The following ST7L variants were observed in gnomAD, a reference collection of about 807,000 sequenced individuals.
ST7L encodes the protein suppression of tumorigenicity 7 like.
ST7L carries 57 observed loss-of-function variants against 72.5 expected under a neutral mutation model. That is an observed-to-expected ratio of 0.79 (90% confidence interval 0.64 to 0.98). ST7L has a LOEUF of 0.98. Among genes scored for constraint, ST7L ranks in the 50% least tolerant of loss-of-function variants. ST7L has a pLI of 0.00. For synonymous variants in ST7L, 221 were observed against 240.9 expected (o/e 0.92, Z 0.77); for missense variants, 576 against 672.2 (o/e 0.86, Z 1.58).
intron 13 of ST7L, among the ~76,000 whole-genome samples, chr1:112,543,925 A>G (rs1237097749): frequency 2.0e-5 from 3 of 151,506 alleles, no homozygotes; most frequent in Non-Finnish European, 4.4e-5. Flanking sequence ...TAGGATTCTG[A>G]CCATAAATAA....
chr1:112,526,904 C>T (rs1023898512), intron 14 of ST7L: 2 of 152,192 alleles, frequency 1.3e-5, no homozygotes, highest in Non-Finnish European at 2.9e-5. Context: ...TGGCAAAGGT[C>T]CTGGGATCTC....
Position 112,577,055 on chromosome 1 carries a change from T to G in ST7L, c.1176A>C (p.Leu392Phe). The G allele has an allele frequency of 6.2e-7, 1 of 1,608,414 alleles. No individual in the cohort carries two copies. The highest frequency in any genetic ancestry group is 8.5e-7 in the Non-Finnish European group (1 of 1,176,606). The change falls in exon 11 of 15, where the codon TTA becomes TTC. Residue 392 changes from leucine (L) to phenylalanine (F), a missense_variant. Transcript: ENST00000358039. ...FSPETASRRG[L>F]STAEINAVEA... ...CCACGGCATTAATTTCTGCTGTGCT[T>G]AATCCTCTTCTGGAGGCTGTTTCTG...
chr1:112,561,276 T>A (rs1660081021), intron 11 of ST7L, among the ~76,000 whole-genome samples: 1 of 134,508 alleles, frequency 7.4e-6, no homozygotes, highest in Non-Finnish European at 1.6e-5. Flanking sequence ...AATAAAAAAA[T>A]AAACTAAAGA....
At chr1:112,617,756 CGA>C (rs1557716937) in intron 1 of ST7L, among the ~76,000 whole-genome samples, 1 of 145,534 alleles carries the variant, frequency 6.9e-6, no homozygotes, top group Non-Finnish European at 1.5e-5. Flanking sequence ...CACACACACA[CGA>C]AACGTAAAAA....
chr1:112,601,383 C>T (rs964453972), intron 3 of ST7L, among the ~76,000 whole-genome samples: 6 of 152,048 alleles, frequency 3.9e-5, no homozygotes, highest in African/African-American at 7.2e-5. Context: ...GTAGCTGAGA[C>T]GACAGGCGCC....
intron 6 of ST7L, among the ~76,000 whole-genome samples, chr1:112,585,111 C>A (rs1187981620): frequency 2.6e-5 from 4 of 152,300 alleles, no homozygotes; most frequent in South Asian, 4.1e-4. Flanking sequence ...CCCACTAAAA[C>A]ACAGAGGCTT....
At chr1:112,529,604 G>C (rs1170069052) in intron 14 of ST7L, 1 of 152,000 alleles carries the variant, frequency 6.6e-6, no homozygotes, top group Admixed American at 6.6e-5. Context: ...TATAAGATAG[G>C]CATAGAGACA....
intron 14 of ST7L, among the ~76,000 whole-genome samples, chr1:112,535,556 C>A (rs2101275727): frequency 6.6e-6 from 1 of 151,274 alleles, no homozygotes; most frequent in South Asian, 2.1e-4. Context: ...AAAGTGAGAC[C>A]CCATCTCTAT....
chr1:112,539,160 TG>T (rs1332481324), intron 14 of ST7L: 9 of 152,194 alleles, frequency 5.9e-5, no homozygotes. Context: ...TAGGATCACC[TG>T]GGGATCTTGT....
At chr1:112,611,068 A>C in intron 2 of ST7L, 65 bp from the exon 3 acceptor site, 1 of 1,518,266 alleles carries the variant, frequency 6.6e-7, no homozygotes, top group Non-Finnish European at 8.9e-7. Flanking sequence ...TCAAATTAAA[A>C]CATTCTCTCA....
In ST7L at chr1:112,543,538, C is replaced by T. The variant is rs577089847; in HGVS notation, c.1490-1448G>A. Among the ~76,000 whole-genome samples, 12 of 152,004 alleles carry T rather than the reference C, an allele frequency of 7.9e-5. 1 individual carries two copies. In the East Asian group the frequency reaches 2.1e-3, roughly 27 times the overall value. ...ACTCCAGCCTGGCAACAGAGCAAGA[C>T]TCTGTCTCAAAAATAAATATGTAAA... On this transcript the variant is annotated intron_variant, in intron 13 of 14. Transcript: ENST00000358039.
rs973852701 is a variant in ST7L at position 112,540,627 on chromosome 1, A to G, written c.1629+1324T>C. ...ACATTATATGGTTGACCTTCAGGGA[A>G]AAAGGGAAACCACTGCTCTTACCAC... On this transcript the variant is annotated intron_variant, in intron 14 of 14. Coordinates refer to ENST00000358039, the MANE Select transcript of ST7L (RefSeq NM_017744.5). 3 of 985,346 alleles carry G rather than the reference A, an allele frequency of 3.0e-6. No homozygotes were observed. The Admixed American group carries it at 1.8e-4, about 61-fold the overall frequency. 61.0% of individuals were successfully genotyped at this position (985,346 alleles called of 1,614,324 possible).
chr1:112,581,949 G>C (rs1374271263), intron 9 of ST7L, 43 bp downstream of exon 9: 3 of 1,244,810 alleles, frequency 2.4e-6, no homozygotes, highest in Non-Finnish European at 3.5e-6. Flanking sequence ...TTACATAATT[G>C]GAAAAGAATA....
At chr1:112,561,667 A>G (rs1660169853) in intron 11 of ST7L, among the ~76,000 whole-genome samples, 1 of 151,770 alleles carries the variant, frequency 6.6e-6, no homozygotes, top group South Asian at 2.1e-4. Context: ...TTTAGTAGAG[A>G]TGGGGTTTCA....
At chr1:112,540,076 T>C in intron 14 of ST7L, 2 of 985,446 alleles carry the variant, frequency 2.0e-6, no homozygotes, top group Non-Finnish European at 2.4e-6. Flanking sequence ...AAGATTCTTC[T>C]GGTGCCATTA....
chr1:112,557,461 T>C (rs1433536897), intron 11 of ST7L, among the ~76,000 whole-genome samples: 5 of 152,240 alleles, frequency 3.3e-5, no homozygotes, highest in African/African-American at 1.2e-4. Flanking sequence ...ATTGTACATA[T>C]GGTATATATG....
chr1:112,570,545 G>GTA (rs71584748), intron 11 of ST7L, among the ~76,000 whole-genome samples: 11,129 of 130,598 alleles, frequency 0.085, 558 homozygotes, highest in Admixed American at 0.12. Flanking sequence ...AATAAAAGAT[G>GTA]TATATATATA....
intron 7 of ST7L, among the ~76,000 whole-genome samples, chr1:112,582,675 C>T (rs1571162568): frequency 6.6e-6 from 1 of 152,038 alleles, no homozygotes; most frequent in Admixed American, 6.6e-5. Context: ...GCGCATGTTT[C>T]AAGTTTTCTG....
intron 14 of ST7L, chr1:112,540,562 A>G: frequency 1.0e-6 from 1 of 985,486 alleles, no homozygotes; most frequent in Non-Finnish European, 1.2e-6. Context: ...AATCAAGTGC[A>G]GACTCAGACT....
Sources: allele counts gnomAD v4.1 joint callset (sites outside exome capture counted in the v4.1 genomes callset), GRCh38; gene constraint gnomAD v4.1.1; transcripts MANE v1.5; gene names NCBI Gene and HGNC (gene_info 2026-07-23, HGNC 2026-07-21).